LRR1: variants seen among roughly 807,000 people sequenced by gnomAD.
The protein encoded by LRR1 is leucine rich repeat protein 1.
A neutral mutation model predicts 31.6 loss-of-function variants in LRR1; 29 were observed. The observed-to-expected ratio is 0.92, with a 90% CI of 0.68 to 1.25. LRR1 has a LOEUF of 1.25. LRR1 is among the 50% of genes most tolerant of loss of function. LRR1 has a pLI of 0.00. For synonymous variants in LRR1, 179 were observed against 181.4 expected (o/e 0.99, Z 0.10); for missense variants, 485 against 487.2 (o/e 1.00, Z 0.04).
intron 1 of LRR1, chr14:49,601,443 C>G: frequency 1.9e-6 from 1 of 526,934 alleles, no homozygotes; most frequent in Non-Finnish European, 3.4e-6. Flanking sequence ...GATGCAACAG[C>G]AATCATTAAT....
At chr14:49,611,286 C>T (rs972494580) in intron 3 of LRR1, among the ~76,000 whole-genome samples, 2 of 151,462 alleles carry the variant, frequency 1.3e-5, no homozygotes, top group African/African-American at 4.9e-5. Flanking sequence ...ACCACACTGA[C>T]CAACATGGTG....
chr14:49,608,011 C>T lies in LRR1; in HGVS notation c.894C>T (p.Tyr298=), dbSNP rs1267605587. ...PSEFRNLSLE[Y]LDLFGNTFEQ... The stretch of plus-strand genomic sequence containing the variant: ...AATTTAGAAATTTATCCCTTGAATA[C>T]TTGGATCTTTTTGGAAATACTTTTG... Residue 298 remains tyrosine (Y), a synonymous_variant, in exon 3 of 4, where the codon TAC becomes TAT. Transcript: ENST00000298288. 2 of 1,613,844 alleles carry T rather than the reference C, an allele frequency of 1.2e-6. No homozygotes were observed. The highest frequency in any genetic ancestry group is 1.1e-5 in the South Asian group (1 of 91,046).
Position 49,607,626 on chromosome 14 carries a change from A to G in LRR1, c.509A>G (p.Asp170Gly), listed in dbSNP as rs752589685. The change falls in exon 3 of 4, where the codon GAT becomes GGT. Residue 170 changes from aspartate to glycine, a missense_variant. Physicochemically the swap from Asp to Gly is moderately conservative, Grantham distance 94. This residue lies in a region of LRR1 where 260 missense variants were observed against 249.6 expected (regional missense o/e 1.04). Coordinates refer to ENST00000298288, the MANE Select transcript of LRR1 (RefSeq NM_152329.4). ...TCTTACTGTGGGCTTGTCCGAGTTG[A>G]TATGCGTATGCTTTGCTTAAAAAGC... Reference protein sequence around the residue: ...QTSYCGLVRVDMRMLCLKSLR... With the variant: ...QTSYCGLVRVGMRMLCLKSLR... 10 of 1,614,206 alleles carry G rather than the reference A, an allele frequency of 6.2e-6. No individual in the cohort carries two copies. Among genetic ancestry groups the G allele is most frequent in the Non-Finnish European group, 8.5e-6 (10 of 1,180,042 alleles).
At chr14:49,606,020 CT>C (rs57012174) in intron 2 of LRR1, among the ~76,000 whole-genome samples, 30,205 of 143,966 alleles carry the variant, frequency 0.21, 3,234 homozygotes, top group Admixed American at 0.29. Context: ...CAAAAATTAG[CT>C]TTTTTTTTTT....
chr14:49,612,519 C>A, intron 3 of LRR1: 1 of 1,245,202 alleles, frequency 8.0e-7, no homozygotes, highest in Non-Finnish European at 1.0e-6. Context: ...GAGACACTCC[C>A]TGGCAGAGTT....
chr14:49,613,504 C>CAA (rs759527540), intron 3 of LRR1, among the ~76,000 whole-genome samples: 5 of 118,108 alleles, frequency 4.2e-5, no homozygotes, highest in African/African-American at 6.3e-5. Flanking sequence ...GACTCCATCT[C>CAA]AAAAAAAAAA....
In LRR1 at chr14:49,614,619, T is replaced by C. The variant is rs773101848; in HGVS notation, c.*123T>C. 767 of 1,327,138 alleles carry C rather than the reference T, an allele frequency of 5.8e-4. No individual in the cohort carries two copies. Among genetic ancestry groups the C allele is most frequent in the Non-Finnish European group, 7.7e-4 (718 of 934,976 alleles). 82.2% of individuals were successfully genotyped at this position (1,327,138 alleles called of 1,614,324 possible). A position where few individuals can be genotyped will look rare whatever the true frequency, so the allele number is the denominator to read the frequency against. Reference sequence around the variant, plus strand: ...ACTTGCTGGAGAGGAGGAATGTGTATAGTTACTCATTTAGATGACTCCAAA... The same window carrying C: ...ACTTGCTGGAGAGGAGGAATGTGTACAGTTACTCATTTAGATGACTCCAAA... On this transcript the variant is annotated 3_prime_UTR_variant, in exon 4 of 4. Transcript: ENST00000298288.
chr14:49,612,518 C>T (rs1244792413), intron 3 of LRR1: 1 of 1,244,988 alleles, frequency 8.0e-7, no homozygotes, highest in Non-Finnish European at 1.0e-6. Flanking sequence ...GGAGACACTC[C>T]CTGGCAGAGT....
chr14:49,607,344 G>C, intron 2 of LRR1, 56 bp from the exon 3 acceptor site: 1 of 1,455,448 alleles, frequency 6.9e-7, no homozygotes. Context: ...GGAAGAACTA[G>C]CATGTATGTA....
chr14:49,608,495 TTG>T (rs1273761423), intron 3 of LRR1, among the ~76,000 whole-genome samples: 7 of 150,010 alleles, frequency 4.7e-5, no homozygotes, highest in African/African-American at 1.7e-4. Flanking sequence ...ACTTTTTTTT[TTG>T]TTTACTGTCA....
Position 49,614,599 on chromosome 14 carries a change from C to A in LRR1, c.*103C>A. 2 of 1,465,156 alleles carry A rather than the reference C, an allele frequency of 1.4e-6. No homozygotes were observed. Among genetic ancestry groups the A allele is most frequent in the Non-Finnish European group, 1.9e-6 (2 of 1,054,972 alleles). 90.8% of individuals were successfully genotyped at this position (1,465,156 alleles called of 1,614,324 possible). A position where few individuals can be genotyped will look rare whatever the true frequency, so the allele number is the denominator to read the frequency against. On this transcript the variant is annotated 3_prime_UTR_variant, in exon 4 of 4. Transcript: ENST00000298288. ...GTAAGGGAAGATTTCTGTATACTTG[C>A]TGGAGAGGAGGAATGTGTATAGTTA...
chr14:49,603,597 C>A, intron 2 of LRR1: 1 of 1,065,420 alleles, frequency 9.4e-7, no homozygotes, highest in Admixed American at 5.1e-5. Flanking sequence ...GTGGGAAGAG[C>A]TTGGTTCACT....
intron 3 of LRR1, among the ~76,000 whole-genome samples, chr14:49,613,932 G>T (rs1015498314): frequency 6.6e-6 from 1 of 152,172 alleles, no homozygotes. Context: ...TAAAACTCAT[G>T]TCCCAAGTGA....
At chr14:49,599,286 G>C in intron 1 of LRR1, 83 bp downstream of exon 1, 8 of 1,430,114 alleles carry the variant, frequency 5.6e-6, no homozygotes, top group Non-Finnish European at 7.4e-6. Context: ...TCATGCTCCC[G>C]GCTGCTCCCT....
chr14:49,612,712 G>A, intron 3 of LRR1: 1 of 872,352 alleles, frequency 1.1e-6, no homozygotes, highest in Non-Finnish European at 1.4e-6. Flanking sequence ...GTAAGACTAG[G>A]CTTGTTTATT....
chr14:49,601,630 A>C, intron 1 of LRR1: 8 of 1,289,616 alleles, frequency 6.2e-6, no homozygotes, highest in Non-Finnish European at 6.1e-6. Context: ...ACCCCAGGCT[A>C]ATGGACTGAA....
rs770894959 is a variant in LRR1 at position 49,601,584 on chromosome 14, A to G, written c.184-786A>G. The G allele has an allele frequency of 3.1e-6, 4 of 1,276,502 alleles. No homozygotes were observed. The South Asian group carries it at 5.0e-5, about 16-fold the overall frequency. The allele number at this position is 1,276,502 out of a possible 1,614,324, so 79.1% of individuals were successfully genotyped here. ...CAAAGGAGACAAGATTCCTGCTCTC[A>G]TGGAGTTTGTATATAACCTACTGGG... On this transcript the variant is annotated intron_variant, in intron 1 of 3. Coordinates refer to ENST00000298288, the MANE Select transcript of LRR1 (RefSeq NM_152329.4).
chr14:49,612,454 T>A, intron 3 of LRR1: 1 of 1,214,246 alleles, frequency 8.2e-7, no homozygotes, highest in Non-Finnish European at 1.0e-6. Context: ...TTAACTGTTG[T>A]CTGTTTCCTC....
At position 49,614,506 on chromosome 14, in the gene LRR1, C is replaced by A. The variant is rs770185348; in HGVS notation, c.*10C>A. On this transcript the variant is annotated 3_prime_UTR_variant, in exon 4 of 4. Coordinates refer to ENST00000298288, the MANE Select transcript of LRR1 (RefSeq NM_152329.4). ...TGATATGTTAAAGTAATGGGTGAGA[C>A]CAGAAAAAGAAATTTCAATAACAGA... The A allele has an allele frequency of 9.3e-6, 15 of 1,612,720 alleles. No homozygotes were observed. The highest frequency in any genetic ancestry group is 1.2e-5 in the Non-Finnish European group (14 of 1,179,608).
Sources: gnomAD v4.1 joint callset for allele counts (sites outside exome capture counted in the v4.1 genomes callset) on GRCh38, gnomAD v4.1.1 for gene constraint, gnomAD v4.1.1 regional missense constraint, MANE v1.5 for transcripts, NCBI Gene and HGNC (gene_info 2026-07-23, HGNC 2026-07-21) for gene names.